Variants in SRSF3 observed in about 807,000 individuals in gnomAD.
SRSF3 encodes the protein serine and arginine rich splicing factor 3, also known as serine/arginine-rich splicing factor 3.
For synonymous variants in SRSF3, 87 were observed against 73.6 expected (o/e 1.18, Z -0.93); for missense variants, 58 against 217.1 (o/e 0.27, Z 4.61).
rs1778719404 is a variant in SRSF3 at position 36,601,747 on chromosome 6, T to G, written c.420T>G (p.Ser140=). 1.9e-6 allele frequency: 3 copies of G among 1,610,328 alleles called. No individual in the cohort carries two copies. Residue 140 remains serine (S), a synonymous_variant, in exon 5 of 6, where the codon TCT becomes TCG. Coordinates refer to ENST00000373715, the MANE Select transcript of SRSF3 (RefSeq NM_003017.5). Reference sequence around the variant, plus strand: ...ATAGGAGAAGAGAGAGATCGCTGTCTCGGGAGAGAAATCACAAGCCGTCCC... The same window carrying G: ...ATAGGAGAAGAGAGAGATCGCTGTCGCGGGAGAGAAATCACAAGCCGTCCC... ...SRDRRRERSL[S]RERNHKPSRS...
chr6:36,596,379 A>G (rs1176920622), intron 1 of SRSF3, among the ~76,000 whole-genome samples: 2 of 152,136 alleles, frequency 1.3e-5, no homozygotes, highest in African/African-American at 4.8e-5. Flanking sequence ...AGTCCCCAAC[A>G]GAATTCTCTT....
In SRSF3 at chr6:36,600,237, C is replaced by T. The variant is rs914725262; in HGVS notation, c.342-915C>T. 7 of 1,047,840 alleles carry T rather than the reference C, an allele frequency of 6.7e-6. No homozygotes were observed. In the Admixed American group the frequency reaches 2.9e-4, roughly 44 times the overall value. 64.9% of individuals were successfully genotyped at this position (1,047,840 alleles called of 1,614,324 possible). Reference sequence around the variant, plus strand: ...TTCTTCCTGGCCGTCAGTCCGGCAGCCTCACCTCACCATTTCTAGCTTGTT... The same window carrying T: ...TTCTTCCTGGCCGTCAGTCCGGCAGTCTCACCTCACCATTTCTAGCTTGTT... On this transcript the variant is annotated intron_variant, in intron 3 of 5. Coordinates refer to ENST00000373715, the MANE Select transcript of SRSF3 (RefSeq NM_003017.5).
chr6:36,600,996 T>C (rs1487984177), intron 3 of SRSF3, 156 bp from the exon 4 acceptor site: 2 of 444,192 alleles, frequency 4.5e-6, no homozygotes, highest in Non-Finnish European at 3.6e-6. Context: ...TCTTTTCTTT[T>C]TTTTCTTTTT....
chr6:36,601,490 G>C (rs1003885581), intron 4 of SRSF3: 2 of 575,626 alleles, frequency 3.5e-6, no homozygotes, highest in Non-Finnish European at 6.1e-6. Flanking sequence ...TTGGACTACA[G>C]GCAAGTACTG....
rs959525444 is a variant in SRSF3 at position 36,604,969 on chromosome 6, A to G, written c.*2980A>G. On this transcript the variant is annotated 3_prime_UTR_variant, in exon 6 of 6. Transcript: ENST00000373715. The stretch of plus-strand genomic sequence containing the variant: ...TTTCTTAGTTGTATATTTTTGTACT[A>G]CCAGATTGTTGCCTTCTGGTTTTCC... The G allele has an allele frequency of 1.3e-5, 2 of 152,186 alleles. No homozygotes were observed. Among genetic ancestry groups the G allele is most frequent in the African/African-American group, 4.8e-5 (2 of 41,430 alleles). The allele number at this position is 152,186 out of a possible 1,614,324, so 9.4% of individuals were successfully genotyped here. A position where few individuals can be genotyped will look rare whatever the true frequency, so the allele number is the denominator to read the frequency against.
intron 2 of SRSF3, 134 bp downstream of exon 2, chr6:36,597,102 T>A: frequency 8.7e-6 from 5 of 573,190 alleles, no homozygotes; most frequent in Admixed American, 3.7e-5. Context: ...GGGATCTTTT[T>A]TTTTTTTTTT....
At chr6:36,595,933 T>G (rs191323262) in intron 1 of SRSF3, among the ~76,000 whole-genome samples, 5,610 of 97,120 alleles carry the variant, frequency 0.058, 154 homozygotes, top group South Asian at 0.19. Flanking sequence ...TTATTTGTGG[T>G]TTTTTTTTGG....
intron 4 of SRSF3, 185 bp downstream of exon 4, chr6:36,601,375 AAG>A: frequency 1.5e-6 from 1 of 647,478 alleles, no homozygotes; most frequent in Admixed American, 3.0e-5. Flanking sequence ...TTTTTTAAAA[AAG>A]GATCTGTCAC....
chr6:36,598,757 CT>C, intron 2 of SRSF3, 91 bp from the exon 3 acceptor site: 1 of 1,440,210 alleles, frequency 6.9e-7, no homozygotes, highest in South Asian at 1.3e-5. Context: ...TAGGTGTGTT[CT>C]TTGCAGAATA....
chr6:36,599,029 G>A, intron 3 of SRSF3, 46 bp downstream of exon 3: 1 of 1,594,404 alleles, frequency 6.3e-7, no homozygotes, highest in Non-Finnish European at 8.5e-7. Flanking sequence ...TAATGGAGTA[G>A]CTAGTAGGAG....
chr6:36,598,069 T>C (rs187765337), intron 2 of SRSF3, among the ~76,000 whole-genome samples: 152 of 152,254 alleles, frequency 1.0e-3, no homozygotes, highest in African/African-American at 3.5e-3. Flanking sequence ...TTCTGTCTTG[T>C]CTTGAACTGA....
At chr6:36,599,088 C>T (rs918558882) in intron 3 of SRSF3, 105 bp downstream of exon 3, 184 of 1,397,144 alleles carry the variant, frequency 1.3e-4, no homozygotes, top group Non-Finnish European at 1.6e-4. Flanking sequence ...TTGGAAGAAT[C>T]GGAGGTTTCT....
At chr6:36,600,992 CT>C (rs1169887735) in intron 3 of SRSF3, 159 bp from the exon 4 acceptor site, 6 of 340,304 alleles carry the variant, frequency 1.8e-5, no homozygotes, top group Admixed American at 1.4e-4. Context: ...TTTTTCTTTT[CT>C]TTTTTTTCTT....
At chr6:36,596,052 G>A (rs893701413) in intron 1 of SRSF3, among the ~76,000 whole-genome samples, 2 of 152,140 alleles carry the variant, frequency 1.3e-5, no homozygotes, top group South Asian at 4.1e-4. Flanking sequence ...AGCCTCCCGA[G>A]TAGCTGGGAC....
rs759779001 is a variant in SRSF3, at chr6:36,603,676, T to A, written c.*1687T>A. The stretch of plus-strand genomic sequence containing the variant: ...AAAGACACTTTTCAGACAGCCTGTT[T>A]ATTTACTGAGAGCTCTGGCATTGGG... On this transcript the variant is annotated 3_prime_UTR_variant, in exon 6 of 6. Transcript: ENST00000373715. 4.3e-6 allele frequency: 1 copy of A among 230,624 alleles called. No individual in the cohort carries two copies. Among genetic ancestry groups the A allele is most frequent in the Non-Finnish European group, 8.6e-6 (1 of 116,550 alleles). 14.3% of individuals were successfully genotyped at this position (230,624 alleles called of 1,614,324 possible). A position where few individuals can be genotyped will look rare whatever the true frequency, so the allele number is the denominator to read the frequency against.
Position 36,602,853 on chromosome 6 carries a change from C to T in SRSF3, c.*864C>T. On this transcript the variant is annotated 3_prime_UTR_variant, in exon 6 of 6. Transcript: ENST00000373715. Reference sequence around the variant, plus strand: ...GGTACCAAGTCCAGGTATAACATTCCTATTGGAAGCCATACTTATATTTTC... The same window carrying T: ...GGTACCAAGTCCAGGTATAACATTCTTATTGGAAGCCATACTTATATTTTC... 4.8e-6 allele frequency: 1 copy of T among 208,092 alleles called. No individual in the cohort carries two copies. Among genetic ancestry groups the T allele is most frequent in the Non-Finnish European group, 9.8e-6 (1 of 101,838 alleles). The allele number at this position is 208,092 out of a possible 1,614,324, so 12.9% of individuals were successfully genotyped here. A position where few individuals can be genotyped will look rare whatever the true frequency, so the allele number is the denominator to read the frequency against.
intron 3 of SRSF3, chr6:36,600,150 CA>C: frequency 9.3e-7 from 1 of 1,079,072 alleles, no homozygotes; most frequent in Non-Finnish European, 1.1e-6. Context: ...GAAAAATCCA[CA>C]ACACCCCCTT....
At chr6:36,601,867 A>AT (rs2127506691) in intron 5 of SRSF3, 73 bp downstream of exon 5, 1 of 1,592,998 alleles carries the variant, frequency 6.3e-7, no homozygotes, top group East Asian at 2.2e-5. Context: ...TAAGCCATAA[A>AT]TTTTTTACCT....
chr6:36,603,739 GT>G lies in SRSF3; in HGVS notation c.*1752del, dbSNP rs1227663706. 4 of 230,760 alleles carry G rather than the reference GT, an allele frequency of 1.7e-5. No homozygotes were observed. The highest frequency in any genetic ancestry group is 8.9e-5 in the African/African-American group (4 of 45,192). 14.3% of individuals were successfully genotyped at this position (230,760 alleles called of 1,614,324 possible). On this transcript the variant is annotated 3_prime_UTR_variant, in exon 6 of 6. Transcript: ENST00000373715. ...AGTATTCTCACATAGCCTACAACCT[GT>G]TCCTGTTAGGAACAAGCCAAGATAG...
Sources: allele counts gnomAD v4.1 joint callset (sites outside exome capture counted in the v4.1 genomes callset), GRCh38; gene constraint gnomAD v4.1.1; transcripts MANE v1.5; gene names NCBI Gene and HGNC (gene_info 2026-07-23, HGNC 2026-07-21).